PCNT: variants seen among roughly 807,000 people sequenced by gnomAD.
The protein encoded by PCNT is pericentrin, also known as kendrin.
Under a neutral mutation model 380.4 loss-of-function variants are expected in PCNT, and 319 were observed. The ratio of observed to expected loss-of-function variants is 0.84; its 90% CI spans 0.77 to 0.92. The LOEUF is 0.92. PCNT is among the 40% of genes least tolerant of loss of function. The probability of loss-of-function intolerance (pLI) is 0.00; values close to 1 mark genes in which losing one functional copy is unlikely to be tolerated. For synonymous variants in PCNT, 1,845 were observed against 1,735.2 expected (o/e 1.06, Z -1.57); for missense variants, 4,400 against 4,255.3 (o/e 1.03, Z -0.95).
rs138036524 is a variant in PCNT at position 46,353,166 on chromosome 21, C to G, written c.1519C>G (p.Arg507Gly). The G allele has an allele frequency of 2.8e-4, 455 of 1,614,026 alleles. 1 individual carries two copies. The African/African-American group carries it at 5.2e-3, about 18-fold the overall frequency. ...RVEDLEQLKQ[R>G]EKTQHESELE... ...GGAAGATTTAGAACAGCTGAAGCAG[C>G]GAGAAAAAACCCAGCATGAGTCCGA... Residue 507 changes from arginine (R) to glycine (G), a missense_variant, in exon 10 of 47, where the codon CGA becomes GGA. Coordinates refer to ENST00000359568, the MANE Select transcript of PCNT (RefSeq NM_006031.6).
At chr21:46,431,210 C>T in intron 37 of PCNT, 3 of 1,243,176 alleles carry the variant, frequency 2.4e-6, no homozygotes, top group Non-Finnish European at 3.1e-6. Context: ...GGGGCAGGAG[C>T]CTCTGGTGGA....
In PCNT at chr21:46,425,372, A is replaced by G. The variant is rs2087451371; in HGVS notation, c.7180-459A>G. On this transcript the variant is annotated intron_variant, in intron 32 of 46. Coordinates refer to ENST00000359568, the MANE Select transcript of PCNT (RefSeq NM_006031.6). The surrounding 1 kb of genome is among the most constrained non-coding windows in gnomAD (Gnocchi z 4.2). ...CACGCTGGTGGTCGGCACTGGCCTC[A>G]GCCGGACCACGCACAGAGGCCTCCT... Among the ~76,000 whole-genome samples, 1 of 152,230 alleles carries G rather than the reference A, an allele frequency of 6.6e-6. No individual in the cohort carries two copies. The highest frequency in any genetic ancestry group is 1.9e-4 in the East Asian group (1 of 5,202).
Position 46,325,095 on chromosome 21 carries a change from G to A in PCNT, c.54+813G>A, listed in dbSNP as rs1012178821. 2.2e-5 allele frequency: 22 copies of A among 985,506 alleles called. No individual in the cohort carries two copies. In the African/African-American group the frequency reaches 3.8e-4, roughly 17 times the overall value. The allele number at this position is 985,506 out of a possible 1,614,324, so 61.0% of individuals were successfully genotyped here. On this transcript the variant is annotated intron_variant, in intron 1 of 46. Coordinates refer to ENST00000359568, the MANE Select transcript of PCNT (RefSeq NM_006031.6). ...CCGTGAAAAAGCGCTCGGTTTGATG[G>A]CCACTGTCCTAGGTTTCGTGGGAAT... is the stretch of plus-strand genomic sequence containing the variant.
Position 46,442,388 on chromosome 21 carries a change from G to A in PCNT, c.9624-109G>A, listed in dbSNP as rs575254957. On this transcript the variant is annotated intron_variant, in intron 43 of 46. Coordinates refer to ENST00000359568, the MANE Select transcript of PCNT (RefSeq NM_006031.6). ...CCGACCTTGGCGTCCTGGTCCCCAT[G>A]GGCAGCGAGGCCCCCATTCTGCTTG... 32 of 734,938 alleles carry A rather than the reference G, an allele frequency of 4.4e-5. No homozygotes were observed. In the African/African-American group the frequency reaches 4.9e-4, roughly 11 times the overall value. 45.5% of individuals were successfully genotyped at this position (734,938 alleles called of 1,614,324 possible). A position where few individuals can be genotyped will look rare whatever the true frequency, so the allele number is the denominator to read the frequency against.
At chr21:46,365,702 G>T (rs936563460) in intron 14 of PCNT, among the ~76,000 whole-genome samples, 3 of 144,304 alleles carry the variant, frequency 2.1e-5, no homozygotes, top group African/African-American at 7.8e-5. Context: ...CCTCACTGCT[G>T]TGGGGTTCTG....
At chr21:46,405,084 T>TA (rs1211192906) in intron 27 of PCNT, among the ~76,000 whole-genome samples, 1 of 152,108 alleles carries the variant, frequency 6.6e-6, no homozygotes, top group African/African-American at 2.4e-5. Flanking sequence ...CAAATTTTTT[T>TA]AAAAAATTTA....
In PCNT at chr21:46,438,735, C is replaced by T. The variant is rs535693998; in HGVS notation, c.9273+398C>T. 1.4e-3 allele frequency among the ~76,000 whole-genome samples: 203 copies of T among 144,230 alleles called. 1 individual carries two copies. Among genetic ancestry groups the T allele is most frequent in the Non-Finnish European group, 2.1e-3 (140 of 67,102 alleles). 94.6% of individuals were successfully genotyped at this position (144,230 alleles called of 152,430 possible). A position where few individuals can be genotyped will look rare whatever the true frequency, so the allele number is the denominator to read the frequency against. On this transcript the variant is annotated intron_variant, in intron 41 of 46. Coordinates refer to ENST00000359568, the MANE Select transcript of PCNT (RefSeq NM_006031.6). ...TTGCCCAGGCTAGAGTGCAGTGGTG[C>T]GATCTCAGCTCACTGCAACCTCCAC...
At chr21:46,361,020 C>T (rs982234689) in intron 13 of PCNT, among the ~76,000 whole-genome samples, 1 of 152,160 alleles carries the variant, frequency 6.6e-6, no homozygotes, top group East Asian at 1.9e-4. Flanking sequence ...TTTTCTAGAA[C>T]TGATTTTAAT....
intron 13 of PCNT, among the ~76,000 whole-genome samples, chr21:46,360,890 A>C (rs868513581): frequency 2.1e-4 from 32 of 152,282 alleles, no homozygotes; most frequent in African/African-American, 7.5e-4. Flanking sequence ...TAAATGTTTA[A>C]GGTAATTACT....
intron 21 of PCNT, among the ~76,000 whole-genome samples, chr21:46,393,357 G>A (rs985134664): frequency 2.6e-5 from 4 of 152,132 alleles, no homozygotes; most frequent in Middle Eastern, 3.2e-3. Flanking sequence ...GTCCTGCATC[G>A]CTCTCAGCAT....
At chr21:46,386,906 G>A (rs1021260069) in intron 17 of PCNT, among the ~76,000 whole-genome samples, 22 of 152,130 alleles carry the variant, frequency 1.4e-4, no homozygotes, top group Non-Finnish European at 2.6e-4. Context: ...TCCCATTGGC[G>A]TGTCCCCGCC....
At chr21:46,345,178 C>T (rs117015004) in intron 3 of PCNT, among the ~76,000 whole-genome samples, 6,242 of 152,198 alleles carry the variant, frequency 0.041, 194 homozygotes, top group Non-Finnish European at 0.062. Flanking sequence ...ACTGCTGTGG[C>T]GTGGGGAGAG....
rs748677993 is a variant in PCNT, at chr21:46,416,692, A to G, written c.6774A>G (p.Thr2258=). The G allele has an allele frequency of 6.4e-7, 1 of 1,565,584 alleles. No individual in the cohort carries two copies. The highest frequency in any genetic ancestry group is 1.2e-5 in the South Asian group (1 of 82,856). ...CCCTGAGCCTGTGCAGTGCCGACAC[A>G]TCCCTGGGGGACAGGGCGGACACCT... ...SGALSLCSAD[T]SLGDRADTSL... Residue 2258 remains threonine (T), a synonymous_variant, in exon 30 of 47, where the codon ACA becomes ACG. Transcript: ENST00000359568.
intron 14 of PCNT, among the ~76,000 whole-genome samples, chr21:46,364,561 GT>G (rs886850090): frequency 1.3e-5 from 2 of 152,058 alleles, no homozygotes; most frequent in Admixed American, 6.6e-5. Context: ...GCGTTTTTGT[GT>G]TTTTTTTAAC....
At chr21:46,341,801 C>T (rs941234119) in intron 3 of PCNT, among the ~76,000 whole-genome samples, 2 of 152,118 alleles carry the variant, frequency 1.3e-5, no homozygotes, top group African/African-American at 4.8e-5. Context: ...TACTCAGCCT[C>T]CTGAGTAGCT....
At chr21:46,325,638 G>C (rs1466208194) in intron 1 of PCNT, among the ~76,000 whole-genome samples, 2 of 152,214 alleles carry the variant, frequency 1.3e-5, no homozygotes, top group East Asian at 1.9e-4. Context: ...CCATGCGTTT[G>C]TTTTTGTGGC....
At chr21:46,328,207 A>C (rs1196557296) in intron 2 of PCNT, among the ~76,000 whole-genome samples, 1 of 150,698 alleles carries the variant, frequency 6.6e-6, no homozygotes, top group Non-Finnish European at 1.5e-5. Context: ...ACAAATCCTG[A>C]ATTTTGCTTT....
intron 15 of PCNT, among the ~76,000 whole-genome samples, chr21:46,380,252 C>T (rs1049357211): frequency 2.7e-5 from 4 of 147,828 alleles, no homozygotes; most frequent in African/African-American, 7.6e-5. Context: ...AGCTCTGCCT[C>T]CCAGGTTCAC....
chr21:46,374,028 G>A (rs950278609), intron 15 of PCNT, among the ~76,000 whole-genome samples: 2 of 152,072 alleles, frequency 1.3e-5, no homozygotes, highest in Non-Finnish European at 2.9e-5. Flanking sequence ...GCGCCCGGCC[G>A]CTCAGATACT....
Sources: allele counts gnomAD v4.1 joint callset (sites outside exome capture counted in the v4.1 genomes callset), GRCh38; gene constraint gnomAD v4.1.1; non-coding constraint Gnocchi (gnomAD v3.1); transcripts MANE v1.5; gene names NCBI Gene and HGNC (gene_info 2026-07-23, HGNC 2026-07-21).